VEPH1: variants seen among roughly 807,000 people sequenced by gnomAD.
VEPH1 encodes ventricular zone expressed PH domain containing 1.
A neutral mutation model predicts 85.2 loss-of-function variants in VEPH1; 80 were observed. The ratio of observed to expected loss-of-function variants is 0.94; its 90% CI spans 0.78 to 1.13. The LOEUF is 1.13. Ranked by LOEUF, VEPH1 falls within the 50% of genes most tolerant of loss-of-function variation. The probability of loss-of-function intolerance (pLI) is 0.00; values close to 1 mark genes in which losing one functional copy is unlikely to be tolerated. For missense variants in VEPH1, 955 were observed against 980.5 expected (o/e 0.97, Z 0.35); for synonymous variants, 297 against 348.0 (o/e 0.85, Z 1.63).
intron 4 of VEPH1, chr3:157,436,901 C>T (rs776927932): frequency 3.7e-6 from 6 of 1,607,030 alleles, no homozygotes; most frequent in Non-Finnish European, 5.1e-6. Context: ...CTCCTCCCGC[C>T]AGCTGTGGAA....
intron 12 of VEPH1, among the ~76,000 whole-genome samples, chr3:157,266,314 C>G (rs1713637026): frequency 6.6e-6 from 1 of 151,866 alleles, no homozygotes; most frequent in African/African-American, 2.4e-5. Context: ...TCTTTCCCCT[C>G]TCTGTATTCC....
At chr3:157,342,958 A>C (rs987258090) in intron 9 of VEPH1, among the ~76,000 whole-genome samples, 5 of 152,218 alleles carry the variant, frequency 3.3e-5, no homozygotes, top group Non-Finnish European at 5.9e-5. Context: ...AGGCAGAAAT[A>C]AAGATGTTTT....
intron 6 of VEPH1, among the ~76,000 whole-genome samples, chr3:157,399,698 A>T (rs1439049828): frequency 3.9e-5 from 6 of 152,188 alleles, no homozygotes; most frequent in Non-Finnish European, 7.4e-5. Flanking sequence ...TTAGCATAAA[A>T]TACATGTAAA....
At chr3:157,273,368 C>T (rs111739432) in intron 12 of VEPH1, among the ~76,000 whole-genome samples, 1,800 of 152,224 alleles carry the variant, frequency 0.012, 18 homozygotes, top group South Asian at 0.019. Flanking sequence ...AAGTACCAGG[C>T]TAGATCTGTG....
At chr3:157,306,212 C>T (rs1249351526) in intron 11 of VEPH1, among the ~76,000 whole-genome samples, 1 of 152,124 alleles carries the variant, frequency 6.6e-6, no homozygotes, top group Non-Finnish European at 1.5e-5. Context: ...TTGAGATCTC[C>T]TTAATTCCCT....
chr3:157,379,527 C>T (rs1300345800), intron 7 of VEPH1, among the ~76,000 whole-genome samples: 2 of 152,150 alleles, frequency 1.3e-5, no homozygotes, highest in Admixed American at 6.5e-5. Context: ...CACATCACAT[C>T]CTCTGACTGT....
At position 157,495,398 on chromosome 3, in the gene VEPH1, T is replaced by C. The variant is rs368139543; in HGVS notation, c.-49A>G. The C allele has an allele frequency of 1.3e-4, 203 of 1,602,782 alleles. No homozygotes were observed. The highest frequency in any genetic ancestry group is 1.7e-4 in the Non-Finnish European group (200 of 1,174,890). On this transcript the variant is annotated 5_prime_UTR_variant, in exon 2 of 14. Transcript: ENST00000362010. ...GACTTTCTACAGACCCAGAGTCATG[T>C]GTTCCAGTTATCAGAGGTCAGTAAG...
intron 3 of VEPH1, among the ~76,000 whole-genome samples, chr3:157,463,263 A>G (rs1020754131): frequency 6.6e-6 from 1 of 152,188 alleles, no homozygotes; most frequent in Non-Finnish European, 1.5e-5. Flanking sequence ...TCAGGGGTCA[A>G]TCTGACCACT....
intron 4 of VEPH1, among the ~76,000 whole-genome samples, chr3:157,455,529 T>G (rs1286636415): frequency 6.6e-6 from 1 of 152,100 alleles, no homozygotes; most frequent in Non-Finnish European, 1.5e-5. Flanking sequence ...ACCCAGGTAT[T>G]AAGCCCAGTA....
In VEPH1 at chr3:157,437,131, A is replaced by G. The variant is rs530947104; in HGVS notation, c.530-8643T>C. 122 of 1,561,630 alleles carry G rather than the reference A, an allele frequency of 7.8e-5. No homozygotes were observed. In the African/African-American group the frequency reaches 1.4e-3, roughly 18 times the overall value. The stretch of plus-strand genomic sequence containing the variant: ...ATCCACCTCTTGGTCTAAATAACAC[A>G]CATATACTTTGTGGCCAGTGAGACA... On this transcript the variant is annotated intron_variant, in intron 4 of 13. Coordinates refer to ENST00000362010, the MANE Select transcript of VEPH1 (RefSeq NM_001167912.2).
intron 7 of VEPH1, among the ~76,000 whole-genome samples, chr3:157,375,773 C>T (rs1728021745): frequency 1.3e-5 from 2 of 152,236 alleles, no homozygotes; most frequent in South Asian, 2.1e-4. Flanking sequence ...ACTATAATTT[C>T]GCTTTCATTA....
intron 12 of VEPH1, among the ~76,000 whole-genome samples, chr3:157,275,013 G>C (rs11709487): frequency 2.0e-5 from 3 of 151,714 alleles, no homozygotes; most frequent in Non-Finnish European, 2.9e-5. Context: ...GCTTGTTCTC[G>C]TGACAGTCTG....
At chr3:157,461,242 C>T (rs948061524) in intron 3 of VEPH1, among the ~76,000 whole-genome samples, 1 of 152,090 alleles carries the variant, frequency 6.6e-6, no homozygotes, top group East Asian at 1.9e-4. Context: ...TTAGAAAATA[C>T]AAATTGCTTT....
At chr3:157,273,113 A>G (rs1406259977) in intron 12 of VEPH1, among the ~76,000 whole-genome samples, 1 of 152,204 alleles carries the variant, frequency 6.6e-6, no homozygotes, top group African/African-American at 2.4e-5. Flanking sequence ...AGATGCCCCC[A>G]GTGGTTTCTT....
intron 11 of VEPH1, among the ~76,000 whole-genome samples, chr3:157,306,484 A>G (rs1208646939): frequency 6.6e-6 from 1 of 152,104 alleles, no homozygotes; most frequent in Non-Finnish European, 1.5e-5. Flanking sequence ...GCTATTACAT[A>G]TAGGTCTAAT....
intron 6 of VEPH1, among the ~76,000 whole-genome samples, chr3:157,393,826 A>G (rs1180717805): frequency 6.6e-6 from 1 of 152,178 alleles, no homozygotes; most frequent in Non-Finnish European, 1.5e-5. Context: ...GTAAATTTCT[A>G]TATACTGCAG....
Position 157,261,221 on chromosome 3 carries a change from CT to C in VEPH1, c.2414del (p.Lys805ArgfsTer25). 1 of 1,613,854 alleles carries C rather than the reference CT, an allele frequency of 6.2e-7. No homozygotes were observed. The highest frequency in any genetic ancestry group is 8.5e-7 in the Non-Finnish European group (1 of 1,179,806). On this transcript the variant is annotated frameshift_variant, in exon 14 of 14. Coordinates refer to ENST00000362010, the MANE Select transcript of VEPH1 (RefSeq NM_001167912.2). LOFTEE classifies it high-confidence loss of function. ...TGCACTGGAGCCATTCTTCTGCATT[CT>C]TCTCATCCTTGGCCTTAAAGACATA... ...KTYVFKAKDE[K>X]NAEEWLQCIN...
chr3:157,451,335 A>G (rs142153924), intron 4 of VEPH1, among the ~76,000 whole-genome samples: 2 of 152,336 alleles, frequency 1.3e-5, no homozygotes, highest in East Asian at 3.9e-4. Flanking sequence ...TAACATTCCA[A>G]TTATACCTTT....
chr3:157,428,482 G>A lies in VEPH1; in HGVS notation c.536C>T (p.Thr179Ile), dbSNP rs766282802. The A allele has an allele frequency of 6.2e-7, 1 of 1,613,484 alleles. No homozygotes were observed. The highest frequency in any genetic ancestry group is 8.5e-7 in the Non-Finnish European group (1 of 1,179,886). ...AGCAGGTAACACTCTCAACAACATGGTGTTACCTGTTGAGGGAACAATAAA... is the reference window on the plus strand; with the variant it reads ...AGCAGGTAACACTCTCAACAACATGATGTTACCTGTTGAGGGAACAATAAA... ...VIVKSILQGN[T>I]MLLRVLPAVY... The change falls in exon 5 of 14, where the codon ACC becomes ATC. Residue 179 changes from threonine (T) to isoleucine (I), a missense_variant. By Grantham distance (89) the Thr-to-Ile change is moderately conservative. Coordinates refer to ENST00000362010, the MANE Select transcript of VEPH1 (RefSeq NM_001167912.2).
Sources: allele counts gnomAD v4.1 joint callset (sites outside exome capture counted in the v4.1 genomes callset), GRCh38; gene constraint gnomAD v4.1.1; transcripts MANE v1.5; gene names NCBI Gene and HGNC (gene_info 2026-07-23, HGNC 2026-07-21).